Variants in FSTL4 observed in about 807,000 individuals in gnomAD.
The protein encoded by FSTL4 is follistatin like 4, also known as follistatin-related protein 4.
FSTL4 carries 28 observed loss-of-function variants against 78.2 expected under a neutral mutation model. The observed-to-expected ratio is 0.36, with a 90% CI of 0.27 to 0.49. The LOEUF is 0.49. Ranked by LOEUF, FSTL4 falls within the 20% of genes least tolerant of loss-of-function variation. The pLI, the probability that FSTL4 is intolerant of heterozygous loss-of-function variation, is 0.98. For synonymous variants in FSTL4, 422 were observed against 440.5 expected, an observed-to-expected ratio of 0.96 and a Z score of 0.53; for missense variants, 922 against 1,084.9, an observed-to-expected ratio of 0.85 and a Z score of 2.11.
At chr5:133,261,854 T>C (rs925580628) in intron 6 of FSTL4, among the ~76,000 whole-genome samples, 1 of 151,924 alleles carries the variant, frequency 6.6e-6, no homozygotes, top group African/African-American at 2.4e-5. Flanking sequence ...TAGCCGGGCA[T>C]GGTGGTGTGT....
the FSTL4 span, among the ~76,000 whole-genome samples, chr5:133,770,146 T>G: frequency 3.9e-5 from 6 of 152,116 alleles, no homozygotes; most frequent in Admixed American, 3.9e-4. Context: ...TAATGGACAC[T>G]TAAGTTGATT....
chr5:133,748,206 GAA>G, the FSTL4 span, among the ~76,000 whole-genome samples: 2 of 143,578 alleles, frequency 1.4e-5, no homozygotes, highest in Admixed American at 6.9e-5. Flanking sequence ...AAAAGAAGAA[GAA>G]AAAAAAAAAG....
chr5:133,368,035 C>T (rs537744938), intron 4 of FSTL4, among the ~76,000 whole-genome samples: 3 of 152,258 alleles, frequency 2.0e-5, no homozygotes, highest in African/African-American at 7.2e-5. Context: ...GAAAGATACC[C>T]TTGTCCAAGG....
the FSTL4 span, among the ~76,000 whole-genome samples, chr5:133,622,784 G>A: frequency 6.6e-6 from 1 of 152,266 alleles, no homozygotes; most frequent in East Asian, 1.9e-4. Flanking sequence ...TGTTGAGAGT[G>A]TTTTGTACAT....
At chr5:133,348,381 T>A (rs1754746369) in intron 4 of FSTL4, among the ~76,000 whole-genome samples, 1 of 152,160 alleles carries the variant, frequency 6.6e-6, no homozygotes, top group African/African-American at 2.4e-5. Flanking sequence ...CAATGAGAGA[T>A]CAAGTCACTT....
rs577187022 is a variant in FSTL4, at chr5:133,306,722, G to A, written c.727+5932C>T. Among the ~76,000 whole-genome samples the A allele has an allele frequency of 3.9e-5, 6 of 152,268 alleles. No individual in the cohort carries two copies. The East Asian group carries it at 9.7e-4, about 24-fold the overall frequency. On this transcript the variant is annotated intron_variant, in intron 6 of 15. Coordinates refer to ENST00000265342, the MANE Select transcript of FSTL4 (RefSeq NM_015082.2). ...CATGTCTGGACTCCTCTCCTTGCCC[G>A]ATGTATTTCTCCATGTCCTTCATGC...
intron 3 of FSTL4, among the ~76,000 whole-genome samples, chr5:133,414,210 A>G (rs1410151252): frequency 1.3e-5 from 2 of 152,206 alleles, no homozygotes; most frequent in African/African-American, 4.8e-5. Context: ...ATGAGCTACA[A>G]TTCCTTCTGG....
At chr5:133,748,561 A>T in the FSTL4 span, among the ~76,000 whole-genome samples, 1 of 152,026 alleles carries the variant, frequency 6.6e-6, no homozygotes, top group African/African-American at 2.4e-5. Context: ...ACAGAGCGAG[A>T]CTCCATCTCA....
At chr5:133,220,898 C>T in intron 11 of FSTL4, 32 bp from the exon 12 acceptor site, 2 of 1,309,168 alleles carry the variant, frequency 1.5e-6, no homozygotes. Flanking sequence ...GGCATGCCCT[C>T]CAAGCAGTCG....
At chr5:133,447,534 T>A (rs1757293528) in intron 3 of FSTL4, among the ~76,000 whole-genome samples, 1 of 152,126 alleles carries the variant, frequency 6.6e-6, no homozygotes, top group African/African-American at 2.4e-5. Context: ...GGGATTATAA[T>A]TTCTTTTTCT....
At chr5:133,597,304 T>C (rs1760757445) in intron 2 of FSTL4, among the ~76,000 whole-genome samples, 1 of 151,942 alleles carries the variant, frequency 6.6e-6, no homozygotes, top group South Asian at 2.1e-4. Context: ...TCCATCCAAA[T>C]GGGAAGCAAA....
At chr5:133,476,708 T>C (rs1418302799) in intron 3 of FSTL4, among the ~76,000 whole-genome samples, 1 of 152,216 alleles carries the variant, frequency 6.6e-6, no homozygotes, top group African/African-American at 2.4e-5. Context: ...TCTCTGTCCA[T>C]GTCCAACATG....
chr5:133,286,350 C>T (rs1338437686), intron 6 of FSTL4, among the ~76,000 whole-genome samples: 8 of 152,162 alleles, frequency 5.3e-5, no homozygotes, highest in Non-Finnish European at 1.2e-4. Context: ...AGAGGGACAA[C>T]GGACCTTAGA....
the FSTL4 span, among the ~76,000 whole-genome samples, chr5:133,778,887 T>G: frequency 1.3e-5 from 2 of 152,212 alleles, no homozygotes; most frequent in Admixed American, 1.3e-4. Flanking sequence ...GGGCACAGCC[T>G]GGCAGCAGGA....
intron 3 of FSTL4, among the ~76,000 whole-genome samples, chr5:133,541,967 A>T (rs1042254957): frequency 8.4e-6 from 1 of 118,824 alleles, no homozygotes; most frequent in Non-Finnish European, 1.9e-5. Flanking sequence ...ACTTTAAGCA[A>T]TACTTAACTG....
chr5:133,391,572 C>T (rs889072057), intron 4 of FSTL4, among the ~76,000 whole-genome samples: 9 of 152,194 alleles, frequency 5.9e-5, no homozygotes, highest in African/African-American at 9.7e-5. Flanking sequence ...TTCCAATGGC[C>T]GACAGAGCCC....
intron 6 of FSTL4, among the ~76,000 whole-genome samples, chr5:133,299,605 G>C (rs1353867412): frequency 6.6e-6 from 1 of 152,160 alleles, no homozygotes; most frequent in Non-Finnish European, 1.5e-5. Context: ...TGTTAATTTA[G>C]AGAATTCGAG....
chr5:133,666,611 C>G, the FSTL4 span, among the ~76,000 whole-genome samples: 1 of 152,110 alleles, frequency 6.6e-6, no homozygotes, highest in South Asian at 2.1e-4. Flanking sequence ...TTCCAGAACC[C>G]TGGTGGCTTT....
the FSTL4 span, among the ~76,000 whole-genome samples, chr5:133,788,105 A>G: frequency 0.6 from 91,706 of 151,966 alleles, 27,930 homozygotes; most frequent in Middle Eastern, 0.71. Context: ...GAACACTGAT[A>G]TGTCTCCATA....
Sources: gnomAD v4.1 joint callset for allele counts (sites outside exome capture counted in the v4.1 genomes callset) on GRCh38, gnomAD v4.1.1 for gene constraint, MANE v1.5 for transcripts, NCBI Gene and HGNC (gene_info 2026-07-23, HGNC 2026-07-21) for gene names.